The following SMYD3 variants were observed in gnomAD, a reference collection of about 807,000 sequenced individuals.
SMYD3 encodes SET and MYND domain containing 3.
SMYD3 carries 36 observed loss-of-function variants against 57.7 expected under a neutral mutation model. The observed-to-expected ratio is 0.62, with a 90% CI of 0.48 to 0.82. The LOEUF (loss-of-function observed/expected upper bound fraction) is 0.82, where lower values mean the gene tolerates loss of function less well. Among genes scored for constraint, SMYD3 ranks in the 40% least tolerant of loss-of-function variants. SMYD3 has a pLI of 0.00. For synonymous variants in SMYD3, 211 were observed against 195.0 expected, an observed-to-expected ratio of 1.08 and a Z score of -0.68; for missense variants, 515 against 538.8, an observed-to-expected ratio of 0.96 and a Z score of 0.44.
rs962227408 is a variant in SMYD3 at position 246,309,753 on chromosome 1, C to T, written c.531+17448G>A. ...CTTTACTAGCCAATTCCATAGCACTCTTCCTATGAATTATAATTTAGAAAG... is the reference window on the plus strand; with the variant it reads ...CTTTACTAGCCAATTCCATAGCACTTTTCCTATGAATTATAATTTAGAAAG... On this transcript the variant is annotated intron_variant, in intron 5 of 11. Coordinates refer to ENST00000490107, the MANE Select transcript of SMYD3 (RefSeq NM_001167740.2). 2.8e-4 allele frequency among the ~76,000 whole-genome samples: 42 copies of T among 152,172 alleles called. 1 individual carries two copies. The highest frequency in any genetic ancestry group is 8.8e-5 in the Non-Finnish European group (6 of 68,034).
At chr1:246,155,474 C>A (rs182737822) in intron 5 of SMYD3, among the ~76,000 whole-genome samples, 77 of 152,288 alleles carry the variant, frequency 5.1e-4, no homozygotes, top group Middle Eastern at 3.4e-3. Flanking sequence ...TCAACCAGTG[C>A]TGCTCTATAA....
At chr1:246,018,339 C>T (rs939061537) in intron 5 of SMYD3, among the ~76,000 whole-genome samples, 12 of 152,150 alleles carry the variant, frequency 7.9e-5, no homozygotes, top group African/African-American at 2.9e-4. Context: ...CACGTGAATG[C>T]TCTCACTCCC....
At chr1:245,851,584 C>T (rs1439574874) in intron 10 of SMYD3, among the ~76,000 whole-genome samples, 1 of 152,184 alleles carries the variant, frequency 6.6e-6, no homozygotes, top group Non-Finnish European at 1.5e-5. Flanking sequence ...TTTCCTAAAG[C>T]CCCATGCCTG....
At chr1:246,234,203 A>G (rs1287595474) in intron 5 of SMYD3, among the ~76,000 whole-genome samples, 5 of 142,440 alleles carry the variant, frequency 3.5e-5, no homozygotes, top group South Asian at 2.5e-4. Flanking sequence ...CATATACCAC[A>G]CAGAGGAGAA....
At chr1:245,925,049 T>C (rs1039907321) in intron 7 of SMYD3, among the ~76,000 whole-genome samples, 6 of 151,510 alleles carry the variant, frequency 4.0e-5, no homozygotes, top group Non-Finnish European at 8.8e-5. Context: ...TCAGTTGCTG[T>C]TGAGTCTTCC....
At chr1:245,875,678 C>T (rs917826107) in intron 8 of SMYD3, among the ~76,000 whole-genome samples, 3 of 152,172 alleles carry the variant, frequency 2.0e-5, no homozygotes, top group Admixed American at 2.0e-4. Context: ...TGCTACGATG[C>T]CAGTCACAGA....
chr1:245,918,927 GAAA>G lies in SMYD3; in HGVS notation c.703-3290_703-3288del, dbSNP rs1289074722. 5.3e-5 allele frequency among the ~76,000 whole-genome samples: 8 copies of G among 152,256 alleles called. No homozygotes were observed. In the South Asian group the frequency reaches 1.7e-3, roughly 32 times the overall value. The stretch of plus-strand genomic sequence containing the variant: ...ACTAACTCCAGGGCCTGTCATGCCA[GAAA>G]AAAATGTGCTTGACTAACCCAAGAC... On this transcript the variant is annotated intron_variant, in intron 7 of 11. Transcript: ENST00000490107.
At chr1:246,500,277 A>C (rs376227727) in intron 1 of SMYD3, among the ~76,000 whole-genome samples, 1 of 152,330 alleles carries the variant, frequency 6.6e-6, no homozygotes, top group East Asian at 1.9e-4. Context: ...TAGAAGGCAG[A>C]CTTGGTCTAC....
At chr1:246,072,001 A>C (rs200751703) in intron 5 of SMYD3, among the ~76,000 whole-genome samples, 67 of 36,984 alleles carry the variant, frequency 1.8e-3, no homozygotes, top group South Asian at 0.015. Context: ...CTCACTGTGG[A>C]TGCATCGTGT....
At chr1:246,465,721 A>T (rs925278605) in intron 1 of SMYD3, among the ~76,000 whole-genome samples, 8 of 152,168 alleles carry the variant, frequency 5.3e-5, no homozygotes, top group Non-Finnish European at 1.0e-4. Flanking sequence ...AATAAATAAA[A>T]AACAGATGCT....
intron 5 of SMYD3, chr1:246,305,848 CTCTT>C (rs1401510350): frequency 6.6e-6 from 1 of 152,186 alleles, no homozygotes; most frequent in African/African-American, 2.4e-5. Flanking sequence ...CCCAACTCTC[CTCTT>C]TAATTTGCTC....
chr1:245,930,687 G>C (rs1180249652), intron 5 of SMYD3: 2 of 152,396 alleles, frequency 1.3e-5, no homozygotes, highest in Non-Finnish European at 2.9e-5. Context: ...TAAAATCACT[G>C]CTTCAGACAG....
At chr1:246,149,127 A>G (rs1345454791) in intron 5 of SMYD3, among the ~76,000 whole-genome samples, 1 of 152,270 alleles carries the variant, frequency 6.6e-6, no homozygotes, top group African/African-American at 2.4e-5. Flanking sequence ...GATGAAAAAT[A>G]TGCAAGGCCT....
intron 5 of SMYD3, among the ~76,000 whole-genome samples, chr1:246,088,613 G>GA (rs35382575): frequency 6.8e-6 from 1 of 148,148 alleles, no homozygotes; most frequent in Non-Finnish European, 1.5e-5. Flanking sequence ...CCGTCTCAAA[G>GA]AAAAAAAAAA....
intron 9 of SMYD3, among the ~76,000 whole-genome samples, chr1:245,863,054 T>C (rs112273836): frequency 2.6e-5 from 4 of 152,364 alleles, no homozygotes; most frequent in African/African-American, 9.6e-5. Flanking sequence ...TCTTAGTGCC[T>C]GGGATATAAA....
chr1:245,782,401 G>A (rs977657275), intron 10 of SMYD3, among the ~76,000 whole-genome samples: 4 of 152,112 alleles, frequency 2.6e-5, no homozygotes, highest in African/African-American at 7.2e-5. Flanking sequence ...AAGAGTAAAC[G>A]TTCATGAAAA....
At chr1:246,435,235 T>C (rs1470179777) in intron 1 of SMYD3, among the ~76,000 whole-genome samples, 1 of 152,132 alleles carries the variant, frequency 6.6e-6, no homozygotes, top group East Asian at 1.9e-4. Context: ...GGTGACAGGA[T>C]CATCCCTATT....
chr1:245,885,792 T>C (rs914038154), intron 8 of SMYD3, among the ~76,000 whole-genome samples: 1 of 152,182 alleles, frequency 6.6e-6, no homozygotes, highest in Non-Finnish European at 1.5e-5. Flanking sequence ...GAGGTTAGTA[T>C]CCACAATTTT....
intron 5 of SMYD3, among the ~76,000 whole-genome samples, chr1:246,281,558 A>G (rs1445352085): frequency 6.6e-6 from 1 of 152,224 alleles, no homozygotes; most frequent in Admixed American, 6.5e-5. Context: ...AAACACCTTA[A>G]GCACAGGAAA....
Sources: gnomAD v4.1 joint callset for allele counts (sites outside exome capture counted in the v4.1 genomes callset) on GRCh38, gnomAD v4.1.1 for gene constraint, MANE v1.5 for transcripts, NCBI Gene and HGNC (gene_info 2026-07-23, HGNC 2026-07-21) for gene names.